The following WWP2 variants were observed in gnomAD, a reference collection of about 807,000 sequenced individuals.
WWP2 encodes the protein NEDD4-like E3 ubiquitin-protein ligase WWP2.
In WWP2, 57 loss-of-function variants were observed where a neutral mutation model predicts 121.0. That is an observed-to-expected ratio of 0.47 (90% CI 0.38 to 0.59). WWP2 has a LOEUF of 0.59. Among genes scored for constraint, WWP2 ranks in the 20% least tolerant of loss-of-function variants. WWP2 has a pLI of 0.00. For missense variants in WWP2, 962 were observed against 1,158.9 expected, an observed-to-expected ratio of 0.83 and a Z score of 2.47; for synonymous variants, 449 against 441.3, an observed-to-expected ratio of 1.02 and a Z score of -0.22.
intron 9 of WWP2, among the ~76,000 whole-genome samples, chr16:69,917,113 T>G (rs1202025096): frequency 6.6e-6 from 1 of 152,238 alleles, no homozygotes; most frequent in Admixed American, 6.5e-5. Context: ...GTAACAAAAG[T>G]TGTTAGCAAC....
chr16:69,856,030 G>T (rs1023239306), intron 6 of WWP2, among the ~76,000 whole-genome samples: 3 of 152,276 alleles, frequency 2.0e-5, no homozygotes, highest in Admixed American at 6.5e-5. Context: ...CCAGCCACTG[G>T]GGAGGCTGAG....
At chr16:69,888,921 G>T (rs1047688040) in intron 8 of WWP2, among the ~76,000 whole-genome samples, 4 of 152,072 alleles carry the variant, frequency 2.6e-5, no homozygotes, top group African/African-American at 9.7e-5. Context: ...GGCCAGGCTG[G>T]TCTCGAACTC....
chr16:69,860,127 G>T (rs1358342437), intron 6 of WWP2, among the ~76,000 whole-genome samples: 3 of 151,974 alleles, frequency 2.0e-5, no homozygotes, highest in Non-Finnish European at 4.4e-5. Flanking sequence ...CTTCACCTTA[G>T]GAGTTCAAGA....
At chr16:69,778,146 T>G (rs1280654129) in intron 1 of WWP2, among the ~76,000 whole-genome samples, 1 of 146,622 alleles carries the variant, frequency 6.8e-6, no homozygotes, top group Non-Finnish European at 1.5e-5. Context: ...CACACACATA[T>G]ATACATACAC....
chr16:69,887,938 A>G, intron 7 of WWP2, 101 bp from the exon 8 acceptor site: 1 of 1,414,964 alleles, frequency 7.1e-7, no homozygotes, highest in Non-Finnish European at 9.8e-7. Context: ...GTAGTGTAAC[A>G]TTGTAGATAC....
chr16:69,938,042 TTTG>T (rs151276774), intron 21 of WWP2, among the ~76,000 whole-genome samples: 2,869 of 152,318 alleles, frequency 0.019, 50 homozygotes, highest in Middle Eastern at 0.034. Context: ...ACGTATGGGT[TTTG>T]TTGTTGTCGT....
chr16:69,813,684 G>A (rs920670821), intron 4 of WWP2, among the ~76,000 whole-genome samples: 58 of 151,960 alleles, frequency 3.8e-4, no homozygotes, highest in Admixed American at 7.9e-4. Flanking sequence ...CCCAAGGCTG[G>A]TCTTAAACTT....
intron 6 of WWP2, among the ~76,000 whole-genome samples, chr16:69,847,976 C>T (rs1335337288): frequency 6.6e-6 from 1 of 152,178 alleles, no homozygotes; most frequent in Non-Finnish European, 1.5e-5. Flanking sequence ...CCTAGCACCT[C>T]ACGACTTCCT....
chr16:69,929,765 G>T (rs1366165256), intron 12 of WWP2, among the ~76,000 whole-genome samples: 1 of 152,230 alleles, frequency 6.6e-6, no homozygotes, highest in Non-Finnish European at 1.5e-5. Flanking sequence ...GCTGGCGGGT[G>T]TTGCTGGTCT....
intron 6 of WWP2, among the ~76,000 whole-genome samples, chr16:69,848,644 A>AG (rs2057135424): frequency 6.6e-6 from 1 of 151,190 alleles, no homozygotes; most frequent in Non-Finnish European, 1.5e-5. Flanking sequence ...TGCTAAAAAA[A>AG]AAAAAAAAAA....
chr16:69,914,349 A>G (rs1029333220), intron 9 of WWP2, among the ~76,000 whole-genome samples: 2 of 152,282 alleles, frequency 1.3e-5, no homozygotes, highest in Admixed American at 1.3e-4. Flanking sequence ...CTGAGTGCCA[A>G]GAGACAGCCT....
At chr16:69,829,885 G>A (rs557558101) in intron 4 of WWP2, among the ~76,000 whole-genome samples, 5 of 151,926 alleles carry the variant, frequency 3.3e-5, no homozygotes, top group Non-Finnish European at 7.4e-5. Context: ...GAACCTCCTG[G>A]GTTCAAGTAA....
intron 1 of WWP2, among the ~76,000 whole-genome samples, chr16:69,770,949 A>G (rs1339038539): frequency 1.3e-5 from 2 of 151,378 alleles, no homozygotes; most frequent in Admixed American, 1.3e-4. Context: ...CCCGGGCAGC[A>G]TAGTGAAATC....
At chr16:69,767,520 A>C (rs2151764302) in intron 1 of WWP2, among the ~76,000 whole-genome samples, 1 of 152,332 alleles carries the variant, frequency 6.6e-6, no homozygotes, top group Middle Eastern at 3.4e-3. Flanking sequence ...TAGGACTATT[A>C]TGTGTCACAG....
At chr16:69,862,095 C>G in intron 6 of WWP2, among the ~76,000 whole-genome samples, 1 of 152,294 alleles carries the variant, frequency 6.6e-6, no homozygotes, top group East Asian at 1.9e-4. Flanking sequence ...GACAGACTTT[C>G]GCTCTTGTTG....
At chr16:69,920,304 C>A (rs904319884) in intron 10 of WWP2, among the ~76,000 whole-genome samples, 1 of 152,210 alleles carries the variant, frequency 6.6e-6, no homozygotes, top group African/African-American at 2.4e-5. Flanking sequence ...CAGGGCCCCG[C>A]TGTCTAGCCC....
chr16:69,784,898 A>G (rs2055749169), intron 1 of WWP2, among the ~76,000 whole-genome samples: 1 of 152,032 alleles, frequency 6.6e-6, no homozygotes, highest in Non-Finnish European at 1.5e-5. Flanking sequence ...ACAACACAGT[A>G]TTTGTTACCA....
intron 6 of WWP2, among the ~76,000 whole-genome samples, chr16:69,869,187 C>G (rs926377035): frequency 6.6e-6 from 1 of 152,050 alleles, no homozygotes; most frequent in Non-Finnish European, 1.5e-5. Flanking sequence ...TGTGTGCGGC[C>G]AACAGCTTTT....
At chr16:69,900,013 ACATGATT>A (rs1394525773) in intron 8 of WWP2, among the ~76,000 whole-genome samples, 12 of 152,188 alleles carry the variant, frequency 7.9e-5, no homozygotes, top group Non-Finnish European at 1.8e-4. Context: ...TATAGGAATA[ACATGATT>A]TATTTGATTA....
Sources: allele counts gnomAD v4.1 joint callset (sites outside exome capture counted in the v4.1 genomes callset), GRCh38; gene constraint gnomAD v4.1.1; transcripts MANE v1.5; gene names NCBI Gene and HGNC (gene_info 2026-07-23, HGNC 2026-07-21).